CATSPERT: variants seen among roughly 807,000 people sequenced by gnomAD.
CATSPERT encodes the protein catsper channel auxiliary subunit tau, also known as cation channel sperm-associated targeting subunit tau.
At chr2:201,570,779 C>T in the CATSPERT span, among the ~76,000 whole-genome samples, 80 of 152,288 alleles carry the variant, frequency 5.3e-4, no homozygotes, top group African/African-American at 1.8e-3. Context: ...AATAGAGTCT[C>T]TTATGGCTCC....
the CATSPERT span, among the ~76,000 whole-genome samples, chr2:201,576,557 C>T: frequency 6.6e-6 from 1 of 152,188 alleles, no homozygotes; most frequent in African/African-American, 2.4e-5. Flanking sequence ...TCTTTTTCCT[C>T]TTGATATTAA....
the CATSPERT span, among the ~76,000 whole-genome samples, chr2:201,609,592 T>C: frequency 1.3e-5 from 2 of 152,178 alleles, no homozygotes; most frequent in East Asian, 1.9e-4. Flanking sequence ...TCAATGATCA[T>C]TGGGTCAAGG....
chr2:201,545,699 T>A, the CATSPERT span: 2 of 977,926 alleles, frequency 2.0e-6, no homozygotes, highest in South Asian at 4.7e-5. Context: ...CGAAAACATT[T>A]TCCTCTGCCT....
chr2:201,573,741 C>T, the CATSPERT span, among the ~76,000 whole-genome samples: 1 of 152,082 alleles, frequency 6.6e-6, no homozygotes, highest in Non-Finnish European at 1.5e-5. Flanking sequence ...ACTACAACTC[C>T]CGCCTCCCAG....
At chr2:201,563,404 GCCGGGCGGGGGGCTGA>G in the CATSPERT span, among the ~76,000 whole-genome samples, 1 of 111,216 alleles carries the variant, frequency 9.0e-6, no homozygotes, top group Non-Finnish European at 2.0e-5. Context: ...GGGGCGGCTG[GCCGGGCGGGGGGCTGA>G]CCCCCTCACC....
chr2:201,609,771 C>T, the CATSPERT span, among the ~76,000 whole-genome samples: 1 of 152,076 alleles, frequency 6.6e-6, no homozygotes, highest in Non-Finnish European at 1.5e-5. Flanking sequence ...TAACAATACA[C>T]ATCAAGAAAG....
the CATSPERT span, chr2:201,603,274 A>G: frequency 1.4e-5 from 22 of 1,609,914 alleles, no homozygotes; most frequent in Non-Finnish European, 1.8e-5. Flanking sequence ...CAGGCAGCCA[A>G]CCTACAACAA....
the CATSPERT span, among the ~76,000 whole-genome samples, chr2:201,546,362 T>C: frequency 6.6e-6 from 1 of 152,204 alleles, no homozygotes; most frequent in South Asian, 2.1e-4. Flanking sequence ...AGTATATTTC[T>C]AAATATCAAA....
chr2:201,487,487 C>T, the CATSPERT span: 5 of 914,158 alleles, frequency 5.5e-6, no homozygotes, highest in East Asian at 1.1e-4. Context: ...TTGCTGACTT[C>T]TGTCACACAA....
At chr2:201,560,371 C>T in the CATSPERT span, among the ~76,000 whole-genome samples, 96 of 150,892 alleles carry the variant, frequency 6.4e-4, 1 homozygote, top group Admixed American at 5.5e-3. Flanking sequence ...TGCAGTGAGC[C>T]GAGATAGTAC....
At chr2:201,584,814 T>C in the CATSPERT span, among the ~76,000 whole-genome samples, 1 of 151,824 alleles carries the variant, frequency 6.6e-6, no homozygotes, top group Non-Finnish European at 1.5e-5. Flanking sequence ...GAAAGAAATA[T>C]TAGCTAATAA....
chr2:201,571,327 T>C, the CATSPERT span, among the ~76,000 whole-genome samples: 1 of 152,184 alleles, frequency 6.6e-6, no homozygotes, highest in African/African-American at 2.4e-5. Flanking sequence ...CTCAATCCCA[T>C]TTCAGCTTTT....
chr2:201,600,279 C>T, the CATSPERT span, among the ~76,000 whole-genome samples: 1 of 152,194 alleles, frequency 6.6e-6, no homozygotes, highest in Non-Finnish European at 1.5e-5. Context: ...AGTTCATGTC[C>T]TTTGCAGGGA....
At chr2:201,571,317 C>T in the CATSPERT span, among the ~76,000 whole-genome samples, 1 of 152,192 alleles carries the variant, frequency 6.6e-6, no homozygotes, top group Non-Finnish European at 1.5e-5. Flanking sequence ...ACCTAATTCC[C>T]TCAATCCCAT....
chr2:201,512,573 C>A, the CATSPERT span, among the ~76,000 whole-genome samples: 3 of 152,100 alleles, frequency 2.0e-5, no homozygotes, highest in Admixed American at 2.0e-4. Context: ...TTTTACTCAG[C>A]ATAAATCTCT....
chr2:201,585,325 T>C, the CATSPERT span, among the ~76,000 whole-genome samples: 1 of 150,310 alleles, frequency 6.7e-6, no homozygotes, highest in Non-Finnish European at 1.5e-5. Flanking sequence ...ATGGCACGTG[T>C]ATACCTATGT....
chr2:201,594,581 CT>C, the CATSPERT span, among the ~76,000 whole-genome samples: 1 of 152,168 alleles, frequency 6.6e-6, no homozygotes, highest in East Asian at 1.9e-4. Flanking sequence ...TGTTTTCCAA[CT>C]TGGTTCCATT....
chr2:201,563,027 T>G, the CATSPERT span, among the ~76,000 whole-genome samples: 59,519 of 145,142 alleles, frequency 0.41, 11,960 homozygotes, highest in East Asian at 0.72. Context: ...AATGAGCTGT[T>G]GGGCACACCT....
At chr2:201,613,471 A>G in the CATSPERT span, among the ~76,000 whole-genome samples, 1 of 152,246 alleles carries the variant, frequency 6.6e-6, no homozygotes, top group Admixed American at 6.5e-5. Context: ...AAACTCCAAC[A>G]GACCTGCAGC....
Sources: gnomAD v4.1 joint callset for allele counts (sites outside exome capture counted in the v4.1 genomes callset) on GRCh38, gnomAD v4.1.1 for gene constraint, MANE v1.5 for transcripts, NCBI Gene and HGNC (gene_info 2026-07-23, HGNC 2026-07-21) for gene names.